SKAP1: variants seen among roughly 807,000 people sequenced by gnomAD.
SKAP1 encodes the protein src kinase-associated phosphoprotein 1.
A neutral mutation model predicts 58.5 loss-of-function variants in SKAP1; 44 were observed. That is an observed-to-expected ratio of 0.75 (90% CI 0.59 to 0.97). The LOEUF (loss-of-function observed/expected upper bound fraction) is 0.97. Among genes scored for constraint, SKAP1 ranks in the 50% least tolerant of loss-of-function variants. The pLI is 0.00. For missense variants in SKAP1, 390 were observed against 435.2 expected, an observed-to-expected ratio of 0.90 and a Z score of 0.92; for synonymous variants, 127 against 149.7, an observed-to-expected ratio of 0.85 and a Z score of 1.11.
intron 4 of SKAP1, among the ~76,000 whole-genome samples, chr17:48,236,595 T>C (rs1027805542): frequency 6.6e-6 from 1 of 152,202 alleles, no homozygotes; most frequent in Non-Finnish European, 1.5e-5. Context: ...TATAAAATGC[T>C]GTGAGACTAT....
intron 2 of SKAP1, among the ~76,000 whole-genome samples, chr17:48,384,573 C>T (rs919551295): frequency 7.2e-5 from 11 of 152,186 alleles, no homozygotes; most frequent in African/African-American, 2.7e-4. Flanking sequence ...CGTCCTACTG[C>T]ATTTCAGTGT....
intron 4 of SKAP1, among the ~76,000 whole-genome samples, chr17:48,313,586 A>T (rs1334594533): frequency 6.6e-6 from 1 of 152,162 alleles, no homozygotes; most frequent in Non-Finnish European, 1.5e-5. Context: ...TTTTTAAACA[A>T]AAAAACTAAA....
At chr17:48,405,496 CCTTT>C (rs2067569024) in intron 1 of SKAP1, among the ~76,000 whole-genome samples, 2 of 112,796 alleles carry the variant, frequency 1.8e-5, no homozygotes, top group African/African-American at 6.7e-5. Flanking sequence ...TCTTTTCTTT[CCTTT>C]CTTTCTTTTT....
At chr17:48,328,181 C>T (rs777503057) in intron 4 of SKAP1, among the ~76,000 whole-genome samples, 9 of 152,160 alleles carry the variant, frequency 5.9e-5, no homozygotes, top group African/African-American at 1.9e-4. Context: ...GGATACTACT[C>T]GCCTCATGAG....
At chr17:48,169,603 C>T (rs562185374) in intron 10 of SKAP1, among the ~76,000 whole-genome samples, 43 of 152,354 alleles carry the variant, frequency 2.8e-4, no homozygotes, top group South Asian at 1.0e-3. Flanking sequence ...GCTGCATCTT[C>T]GTTGTCTCTT....
At chr17:48,392,534 G>C (rs1195420229) in intron 2 of SKAP1, among the ~76,000 whole-genome samples, 1 of 151,894 alleles carries the variant, frequency 6.6e-6, no homozygotes, top group African/African-American at 2.4e-5. Context: ...GGGCCATTGA[G>C]AGAGAAATTA....
intron 4 of SKAP1, among the ~76,000 whole-genome samples, chr17:48,344,694 C>T (rs1270980345): frequency 6.6e-6 from 1 of 152,098 alleles, no homozygotes; most frequent in Non-Finnish European, 1.5e-5. Flanking sequence ...ATACACAGAT[C>T]CTATATTACA....
At chr17:48,174,637 A>G (rs1045564526) in intron 9 of SKAP1, among the ~76,000 whole-genome samples, 1 of 152,238 alleles carries the variant, frequency 6.6e-6, no homozygotes, top group African/African-American at 2.4e-5. Flanking sequence ...TTTAATTTTA[A>G]GAGACTATTT....
At chr17:48,179,908 C>G in intron 9 of SKAP1, 146 bp downstream of exon 9, 1 of 697,396 alleles carries the variant, frequency 1.4e-6, no homozygotes, top group Non-Finnish European at 2.3e-6. Context: ...CACTTCCCTA[C>G]AATCTCATAA....
At chr17:48,201,974 GC>G (rs1292530863) in intron 4 of SKAP1, among the ~76,000 whole-genome samples, 1 of 152,082 alleles carries the variant, frequency 6.6e-6, no homozygotes, top group African/African-American at 2.4e-5. Flanking sequence ...TTCCTTTTGA[GC>G]TTTTACATGT....
intron 4 of SKAP1, among the ~76,000 whole-genome samples, chr17:48,278,682 T>TA (rs1483436847): frequency 6.6e-6 from 1 of 152,108 alleles, no homozygotes; most frequent in Admixed American, 6.5e-5. Context: ...GAGAAATACT[T>TA]ACGATGAAGA....
chr17:48,172,832 A>C (rs2064234973), intron 9 of SKAP1, among the ~76,000 whole-genome samples: 1 of 152,194 alleles, frequency 6.6e-6, no homozygotes, highest in African/African-American at 2.4e-5. Context: ...GCATAAAAAT[A>C]TATTAGAATA....
intron 2 of SKAP1, among the ~76,000 whole-genome samples, chr17:48,374,058 AG>A (rs1488234057): frequency 6.6e-6 from 1 of 152,192 alleles, no homozygotes. Flanking sequence ...TTTTTGAGAC[AG>A]GGTCTTGCTC....
intron 1 of SKAP1, among the ~76,000 whole-genome samples, chr17:48,407,774 A>G (rs1447815540): frequency 1.3e-5 from 2 of 151,796 alleles, no homozygotes; most frequent in Non-Finnish European, 2.9e-5. Flanking sequence ...GGATTGCTTG[A>G]GCCCAGGAGA....
intron 3 of SKAP1, among the ~76,000 whole-genome samples, chr17:48,357,649 G>T (rs188057739): frequency 3.3e-5 from 5 of 151,878 alleles, no homozygotes; most frequent in Admixed American, 3.3e-4. Flanking sequence ...GAAAAAAGAA[G>T]AATCTTTGAT....
intron 1 of SKAP1, among the ~76,000 whole-genome samples, chr17:48,420,006 A>C (rs1022572887): frequency 6.6e-6 from 1 of 152,072 alleles, no homozygotes; most frequent in Non-Finnish European, 1.5e-5. Context: ...AAAATTAAGC[A>C]GTGGAACTCA....
chr17:48,440,781 G>A, the SKAP1 span, among the ~76,000 whole-genome samples: 3 of 152,212 alleles, frequency 2.0e-5, no homozygotes, highest in Non-Finnish European at 2.9e-5. Flanking sequence ...CACTGTGGGA[G>A]AGGCTCAGCA....
At chr17:48,299,462 G>A (rs979235612) in intron 4 of SKAP1, among the ~76,000 whole-genome samples, 2 of 152,170 alleles carry the variant, frequency 1.3e-5, no homozygotes, top group African/African-American at 4.8e-5. Flanking sequence ...AGGGGGAAGA[G>A]GGGGAGGCTG....
At chr17:48,216,642 C>T (rs1430975655) in intron 4 of SKAP1, among the ~76,000 whole-genome samples, 8 of 152,042 alleles carry the variant, frequency 5.3e-5, no homozygotes, top group Non-Finnish European at 1.2e-4. Flanking sequence ...CAGGTGCACA[C>T]CATCATGCCA....
Sources: gnomAD v4.1 joint callset for allele counts (sites outside exome capture counted in the v4.1 genomes callset) on GRCh38, gnomAD v4.1.1 for gene constraint, MANE v1.5 for transcripts, NCBI Gene and HGNC (gene_info 2026-07-23, HGNC 2026-07-21) for gene names.